ANKRD31: variants seen among roughly 807,000 people sequenced by gnomAD.
ANKRD31 encodes ankyrin repeat domain-containing protein 31.
Under a neutral mutation model 186.0 loss-of-function variants are expected in ANKRD31, and 147 were observed. That is an observed-to-expected ratio of 0.79 (90% CI 0.69 to 0.91). The LOEUF (loss-of-function observed/expected upper bound fraction) is 0.91. Among genes scored for constraint, ANKRD31 ranks in the 40% least tolerant of loss-of-function variants. The pLI is 0.00. For synonymous variants in ANKRD31, 673 were observed against 736.4 expected, an observed-to-expected ratio of 0.91 and a Z score of 1.39; for missense variants, 1,986 against 2,148.8, an observed-to-expected ratio of 0.92 and a Z score of 1.50.
Position 75,236,653 on chromosome 5 carries a change from T to C in ANKRD31, c.34A>G (p.Ser12Gly), listed in dbSNP as rs936214509. The change falls in exon 1 of 26, where the codon AGT becomes GGT. Residue 12 changes from serine to glycine, a missense_variant. Ser to Gly is a moderately conservative substitution (Grantham distance 56). Coordinates refer to ENST00000506364, the MANE Select transcript of ANKRD31 (RefSeq NM_001372053.1). ...GAACCCTCTATCACAGTTTCATCAC[T>C]GTCCCAGTCTGGGGCCTGGACGCCT... The part of the protein sequence containing the change: ...EEGVQAPDWD[S>G]DETVIEGSVT... The C allele has an allele frequency of 1.3e-6, 2 of 1,537,104 alleles. No homozygotes were observed. The highest frequency in any genetic ancestry group is 1.4e-5 in the African/African-American group (1 of 73,110).
intron 17 of ANKRD31, among the ~76,000 whole-genome samples, chr5:75,137,443 C>G (rs1231170185): frequency 6.6e-6 from 1 of 152,076 alleles, no homozygotes; most frequent in Non-Finnish European, 1.5e-5. Flanking sequence ...GCAACAAACA[C>G]CCGGAAAACA....
chr5:75,144,545 G>C (rs1481302207), intron 14 of ANKRD31, among the ~76,000 whole-genome samples: 2 of 152,128 alleles, frequency 1.3e-5, no homozygotes, highest in Non-Finnish European at 2.9e-5. Context: ...GCCATATGCA[G>C]AAAACTGAAA....
Position 75,071,497 on chromosome 5 carries a change from G to GTT in ANKRD31, c.5648-2835_5648-2834dup, listed in dbSNP as rs368634855. 4.9e-4 allele frequency among the ~76,000 whole-genome samples: 65 copies of GTT among 131,382 alleles called. 1 individual carries two copies. The highest frequency in any genetic ancestry group is 3.7e-3 in the Middle Eastern group (1 of 270). 86.2% of individuals were successfully genotyped at this position (131,382 alleles called of 152,430 possible). ...ACTGACATCTGAGAAAAGCTGTTTT[G>GTT]TTTTTTTTTTTTTTTGAGGTGGAGT... On this transcript the variant is annotated intron_variant, in intron 25 of 25. Coordinates refer to ENST00000506364, the MANE Select transcript of ANKRD31 (RefSeq NM_001372053.1).
At chr5:75,179,684 C>A (rs535492983) in intron 10 of ANKRD31, among the ~76,000 whole-genome samples, 11 of 151,878 alleles carry the variant, frequency 7.2e-5, no homozygotes, top group South Asian at 6.2e-4. Flanking sequence ...ATTCAACAAC[C>A]CTTCATGTTA....
intron 6 of ANKRD31, among the ~76,000 whole-genome samples, chr5:75,196,465 C>T (rs927526597): frequency 6.6e-6 from 1 of 152,092 alleles, no homozygotes; most frequent in Non-Finnish European, 1.5e-5. Context: ...AAATTATTCA[C>T]CTAAGTTTAA....
intron 17 of ANKRD31, among the ~76,000 whole-genome samples, chr5:75,130,927 C>T (rs1749742801): frequency 6.6e-6 from 1 of 152,244 alleles, no homozygotes; most frequent in Non-Finnish European, 1.5e-5. Context: ...GAGCTCGTCC[C>T]ACACAACCAA....
At chr5:75,169,236 A>G (rs1753144271) in intron 10 of ANKRD31, 115 bp from the exon 11 acceptor site, 2 of 1,248,462 alleles carry the variant, frequency 1.6e-6, no homozygotes, top group South Asian at 1.5e-5. Flanking sequence ...TATTTTGATT[A>G]TATGAGTCAA....
intron 22 of ANKRD31, among the ~76,000 whole-genome samples, chr5:75,095,869 C>G (rs12653178): frequency 6.6e-6 from 1 of 152,064 alleles, no homozygotes; most frequent in Admixed American, 6.6e-5. Flanking sequence ...CAGGCTTCCC[C>G]TAGGGTTCTT....
chr5:75,136,164 G>A (rs955723384), intron 17 of ANKRD31, among the ~76,000 whole-genome samples: 3 of 152,126 alleles, frequency 2.0e-5, no homozygotes, highest in Non-Finnish European at 4.4e-5. Flanking sequence ...TTGACAAATG[G>A]GATCTAATTA....
chr5:75,115,394 C>T (rs1008965230), intron 19 of ANKRD31, among the ~76,000 whole-genome samples: 7 of 152,114 alleles, frequency 4.6e-5, no homozygotes, highest in African/African-American at 7.2e-5. Flanking sequence ...CAACAAAAGC[C>T]GAAATAGACA....
chr5:75,200,911 C>CAAA (rs10664301), intron 5 of ANKRD31, among the ~76,000 whole-genome samples: 63 of 131,698 alleles, frequency 4.8e-4, no homozygotes, highest in African/African-American at 1.4e-3. Flanking sequence ...GACTTCGCCT[C>CAAA]AAAAAAAAAA....
chr5:75,111,420 G>A (rs1277185268), intron 20 of ANKRD31, among the ~76,000 whole-genome samples: 1 of 151,996 alleles, frequency 6.6e-6, no homozygotes. Flanking sequence ...TTGTTTGGGG[G>A]TATGAATTAT....
intron 16 of ANKRD31, 30 bp downstream of exon 16, chr5:75,138,816 T>A (rs1750799243): frequency 6.5e-7 from 1 of 1,529,866 alleles, no homozygotes; most frequent in Admixed American, 2.0e-5. Flanking sequence ...GTTCAAATTA[T>A]AAAGGTAATT....
intron 3 of ANKRD31, among the ~76,000 whole-genome samples, chr5:75,221,705 A>G (rs1561547778): frequency 6.6e-6 from 1 of 152,088 alleles, no homozygotes; most frequent in Admixed American, 6.5e-5. Context: ...AAGCAAAACC[A>G]ACCCCTCCTC....
rs56742059 is a variant in ANKRD31, at chr5:75,159,669, TA to T, written c.1708-5325del. 4.9e-4 allele frequency among the ~76,000 whole-genome samples: 72 copies of T among 146,358 alleles called. No individual in the cohort carries two copies. In the East Asian group the frequency reaches 0.011, roughly 23 times the overall value. On this transcript the variant is annotated intron_variant, in intron 11 of 25. Transcript: ENST00000506364. ...AAAGCAAAATAAAGACATTCACAGA[TA>T]AAAAAAAAAAGCTGATAGAATTTAT... is the stretch of plus-strand genomic sequence containing the variant.
chr5:75,138,002 AAAAAAG>A lies in ANKRD31; in HGVS notation c.3734-10_3734-5del, dbSNP rs1340401867. The A allele has an allele frequency of 5.6e-6, 8 of 1,425,178 alleles. No individual in the cohort carries two copies. The highest frequency in any genetic ancestry group is 5.4e-6 in the Non-Finnish European group (6 of 1,110,740). 88.3% of individuals were successfully genotyped at this position (1,425,178 alleles called of 1,614,324 possible). A position where few individuals can be genotyped will look rare whatever the true frequency, so the allele number is the denominator to read the frequency against. The stretch of plus-strand genomic sequence containing the variant: ...GCCTCATGAAGTGGTGTCCAACCTA[AAAAAAG>A]AAAAAGAAAAAAAAAAACCCTGCTT... On this transcript the variant is annotated splice_region_variant and splice_polypyrimidine_tract_variant and intron_variant, in intron 16 of 25. Transcript: ENST00000506364.
rs562634216 is a variant in ANKRD31, at chr5:75,086,968, G to A, written c.5473-2594C>T. ...AGTATTCTGGAAATGTAGTTAATGA[G>A]CCAAGTGAAATTATTAATTAACTTT... On this transcript the variant is annotated intron_variant, in intron 23 of 25. Transcript: ENST00000506364. Among the ~76,000 whole-genome samples, 106 of 152,292 alleles carry A rather than the reference G, an allele frequency of 7.0e-4. 1 individual carries two copies. The highest frequency in any genetic ancestry group is 3.3e-3 in the Admixed American group (51 of 15,300).
intron 19 of ANKRD31, among the ~76,000 whole-genome samples, chr5:75,113,563 G>A (rs1747950500): frequency 2.0e-5 from 3 of 152,008 alleles, no homozygotes; most frequent in African/African-American, 7.2e-5. Context: ...TAATGATGAC[G>A]GATGGTTTGA....
chr5:75,127,228 A>G (rs1749329571), intron 17 of ANKRD31, among the ~76,000 whole-genome samples: 1 of 151,712 alleles, frequency 6.6e-6, no homozygotes, highest in Admixed American at 6.6e-5. Context: ...ATGAGGGTCT[A>G]TTTCTCAATG....
Sources: gnomAD v4.1 joint callset for allele counts (sites outside exome capture counted in the v4.1 genomes callset) on GRCh38, gnomAD v4.1.1 for gene constraint, MANE v1.5 for transcripts, NCBI Gene and HGNC (gene_info 2026-07-23, HGNC 2026-07-21) for gene names.